SH3KBP1: variants seen among roughly 807,000 people sequenced by gnomAD.
The protein encoded by SH3KBP1 is SH3 domain-containing kinase-binding protein 1.
SH3KBP1 carries 8 observed loss-of-function variants against 50.1 expected under a neutral mutation model. That is an observed-to-expected ratio of 0.16 (90% CI 0.09 to 0.29). The LOEUF is 0.29. SH3KBP1 is among the 10% of genes least tolerant of loss of function. SH3KBP1 has a pLI of 1.00. For missense variants in SH3KBP1, 377 were observed against 535.2 expected, an observed-to-expected ratio of 0.70 and a Z score of 2.92; for synonymous variants, 227 against 218.6, an observed-to-expected ratio of 1.04 and a Z score of -0.34.
intron 3 of SH3KBP1, among the ~76,000 whole-genome samples, chrX:19,737,790 T>C (rs746379628): frequency 2.7e-5 from 3 of 112,240 alleles, no homozygotes; most frequent in Non-Finnish European, 5.6e-5. Flanking sequence ...CTAAGCCTCA[T>C]TCTTAGATAC....
intron 6 of SH3KBP1, among the ~76,000 whole-genome samples, chrX:19,648,803 A>G (rs2062051943): frequency 9.0e-6 from 1 of 111,152 alleles, no homozygotes; most frequent in African/African-American, 3.3e-5. Flanking sequence ...CCTAGTTGAG[A>G]ACCTCTAGCC....
rs145258396 is a variant in SH3KBP1, at chrX:19,552,138, T to C, written c.1385-2055A>G. Reference sequence around the variant, plus strand: ...ACCGGATATGCCATGTCTCTAACAATTCTTTGTAAATATTTTAATTGTTGT... The same window carrying C: ...ACCGGATATGCCATGTCTCTAACAACTCTTTGTAAATATTTTAATTGTTGT... On this transcript the variant is annotated intron_variant, in intron 13 of 17. Coordinates refer to ENST00000397821, the MANE Select transcript of SH3KBP1 (RefSeq NM_031892.3). 5.1e-4 allele frequency among the ~76,000 whole-genome samples: 57 copies of C among 112,397 alleles called. No individual in the cohort carries two copies. In the Middle Eastern group the frequency reaches 0.014, roughly 27 times the overall value.
At chrX:19,702,469 C>G (rs2148661236) in intron 4 of SH3KBP1, among the ~76,000 whole-genome samples, 1 of 111,232 alleles carries the variant, frequency 9.0e-6, no homozygotes, top group East Asian at 2.8e-4. Context: ...GCCAGCCTGA[C>G]TGGGGGCCAC....
chrX:19,838,082 ACAAC>A (rs1344192444), intron 1 of SH3KBP1, among the ~76,000 whole-genome samples: 1 of 107,886 alleles, frequency 9.3e-6, no homozygotes, highest in East Asian at 2.8e-4. Context: ...AACAACAACA[ACAAC>A]AACAACAACA....
chrX:19,720,253 G>A (rs1438916232), intron 3 of SH3KBP1, among the ~76,000 whole-genome samples: 1 of 110,587 alleles, frequency 9.0e-6, no homozygotes, highest in Non-Finnish European at 1.9e-5. Context: ...TGGCCTTTCA[G>A]CACAACCCTC....
chrX:19,779,895 C>T (rs1180924161), intron 2 of SH3KBP1, among the ~76,000 whole-genome samples: 1 of 105,667 alleles, frequency 9.5e-6, no homozygotes, highest in Non-Finnish European at 2.0e-5. Flanking sequence ...CATACGTGTG[C>T]ATGTGTCTTT....
intron 5 of SH3KBP1, among the ~76,000 whole-genome samples, chrX:19,692,685 A>AT (rs1420524398): frequency 4.5e-5 from 4 of 89,873 alleles, no homozygotes; most frequent in African/African-American, 1.9e-4. Flanking sequence ...ATATATATAT[A>AT]TATATTTTTT....
At chrX:19,687,476 A>G (rs1603008516) in intron 5 of SH3KBP1, 2 of 515,990 alleles carry the variant, frequency 3.9e-6, no homozygotes, top group Non-Finnish European at 6.7e-6. Context: ...ACTTAGACAA[A>G]TAAGTCCATG....
At chrX:19,629,267 C>T (rs2061525530) in intron 8 of SH3KBP1, among the ~76,000 whole-genome samples, 1 of 110,765 alleles carries the variant, frequency 9.0e-6, no homozygotes, top group African/African-American at 3.3e-5. Flanking sequence ...ACCAAGGCCA[C>T]CAAGACAGAC....
intron 2 of SH3KBP1, among the ~76,000 whole-genome samples, chrX:19,795,272 T>C (rs145756136): frequency 0.01 from 1,169 of 112,216 alleles, 17 homozygotes; most frequent in African/African-American, 0.035. Context: ...TAGTTCAGTA[T>C]ACTAGAACAA....
chrX:19,684,080 CT>C, intron 5 of SH3KBP1, 52 bp from the exon 6 acceptor site: 1 of 1,052,057 alleles, frequency 9.5e-7, no homozygotes, highest in Non-Finnish European at 1.3e-6. Context: ...AGCCAGAGCC[CT>C]GAAGAAGAAC....
At chrX:19,595,590 G>GT (rs397943096) in intron 9 of SH3KBP1, among the ~76,000 whole-genome samples, 3,821 of 92,606 alleles carry the variant, frequency 0.041, 163 homozygotes, top group African/African-American at 0.12. Context: ...TTTTTGGTTT[G>GT]TTTTTTTTTT....
intron 2 of SH3KBP1, among the ~76,000 whole-genome samples, chrX:19,771,824 A>G (rs2065798520): frequency 1.0e-5 from 1 of 98,376 alleles, no homozygotes; most frequent in Admixed American, 1.2e-4. Flanking sequence ...AGATTCTGCC[A>G]TGGCACTCCT....
intron 15 of SH3KBP1, among the ~76,000 whole-genome samples, chrX:19,542,535 G>A (rs1016188186): frequency 1.8e-5 from 2 of 111,779 alleles, no homozygotes; most frequent in African/African-American, 6.5e-5. Flanking sequence ...GGTCTCCAGG[G>A]AGCTCAGAAC....
At chrX:19,760,041 C>CCTCTCTCCCT (rs2065350926) in intron 2 of SH3KBP1, among the ~76,000 whole-genome samples, 1 of 50,459 alleles carries the variant, frequency 2.0e-5, no homozygotes, top group Non-Finnish European at 3.6e-5. Flanking sequence ...TCTCTCTCTC[C>CCTCTCTCCCT]CTCTCTCTCT....
intron 13 of SH3KBP1, among the ~76,000 whole-genome samples, chrX:19,567,557 A>AATATAT (rs1555990522): frequency 0.14 from 4,781 of 34,986 alleles, 537 homozygotes; most frequent in African/African-American, 0.21. Flanking sequence ...AAAAAAAAAA[A>AATATAT]ATATATATAT....
At chrX:19,710,365 C>T (rs1320082799) in intron 3 of SH3KBP1, among the ~76,000 whole-genome samples, 1 of 111,613 alleles carries the variant, frequency 9.0e-6, no homozygotes, top group Non-Finnish European at 1.9e-5. Context: ...TCCAGGATCA[C>T]TCAAAACAGA....
intron 6 of SH3KBP1, among the ~76,000 whole-genome samples, chrX:19,650,231 C>G (rs1043735554): frequency 5.4e-5 from 6 of 112,128 alleles, no homozygotes; most frequent in African/African-American, 1.6e-4. Flanking sequence ...AAACACTCAC[C>G]TTATTAGTCC....
At chrX:19,800,028 T>A (rs1266779612) in intron 2 of SH3KBP1, among the ~76,000 whole-genome samples, 1 of 111,103 alleles carries the variant, frequency 9.0e-6, no homozygotes, top group African/African-American at 3.3e-5. Context: ...AACCGCAGAG[T>A]CTGCAGTAAC....
Sources: allele counts gnomAD v4.1 joint callset (sites outside exome capture counted in the v4.1 genomes callset), GRCh38; gene constraint gnomAD v4.1.1; transcripts MANE v1.5; gene names NCBI Gene and HGNC (gene_info 2026-07-23, HGNC 2026-07-21).